CMIP: variants seen among roughly 807,000 people sequenced by gnomAD.
The protein encoded by CMIP is c-Maf inducing protein, also known as C-Maf-inducing protein.
In CMIP, 13 loss-of-function variants were observed where a neutral mutation model predicts 97.3. The ratio of observed to expected loss-of-function variants is 0.13; its 90% CI spans 0.09 to 0.21. CMIP has a LOEUF of 0.21. Ranked by LOEUF, CMIP falls within the 10% of genes least tolerant of loss-of-function variation. The probability of loss-of-function intolerance (pLI) is 1.00; values close to 1 mark genes in which losing one functional copy is unlikely to be tolerated. For missense variants in CMIP, 847 were observed against 1,024.9 expected (o/e 0.83, Z 2.37); for synonymous variants, 538 against 436.3 (o/e 1.23, Z -2.91).
At chr16:81,641,299 C>T (rs553705082) in intron 3 of CMIP, among the ~76,000 whole-genome samples, 1 of 152,312 alleles carries the variant, frequency 6.6e-6, no homozygotes, top group South Asian at 2.1e-4. Context: ...CTGCAACAAA[C>T]ACCGAGAGCA....
intron 1 of CMIP, among the ~76,000 whole-genome samples, chr16:81,495,755 C>A (rs924946627): frequency 6.6e-6 from 1 of 152,190 alleles, no homozygotes; most frequent in African/African-American, 2.4e-5. Flanking sequence ...CCTGGAAGCC[C>A]CTGCCTGCTG....
chr16:81,450,059 G>A (rs1425798280), intron 1 of CMIP, among the ~76,000 whole-genome samples: 2 of 152,208 alleles, frequency 1.3e-5, no homozygotes, highest in Admixed American at 6.5e-5. Context: ...TGGCGGCCCT[G>A]CCTGCTCCTT....
At chr16:81,571,814 C>T (rs142640246) in intron 1 of CMIP, among the ~76,000 whole-genome samples, 17 of 152,278 alleles carry the variant, frequency 1.1e-4, no homozygotes, top group African/African-American at 3.8e-4. Context: ...GCTTCCCTGG[C>T]TGGAAGCCTC....
chr16:81,676,285 C>T (rs1241528779), intron 9 of CMIP, among the ~76,000 whole-genome samples: 2 of 152,016 alleles, frequency 1.3e-5, no homozygotes, highest in African/African-American at 2.4e-5. Flanking sequence ...GCTGCCAACA[C>T]GTTTCGTGGG....
intron 4 of CMIP, among the ~76,000 whole-genome samples, chr16:81,656,636 A>G (rs746166918): frequency 3.9e-5 from 6 of 152,198 alleles, no homozygotes; most frequent in Non-Finnish European, 8.8e-5. Flanking sequence ...AAATGCTCCA[A>G]AGTCCAAAAC....
At chr16:81,609,413 T>A (rs1367909434) in intron 2 of CMIP, among the ~76,000 whole-genome samples, 10 of 152,134 alleles carry the variant, frequency 6.6e-5, no homozygotes, top group Admixed American at 6.5e-4. Context: ...CAGGGTTCAG[T>A]GGCCAACGGA....
Position 81,704,041 on chromosome 16 carries a change from A to G in CMIP, c.2047A>G (p.Ile683Val). Residue 683 changes from isoleucine (I) to valine (V), a missense_variant, in exon 18 of 21, where the codon ATC (isoleucine) becomes GTC (valine). Ile to Val is a conservative substitution (Grantham distance 29). This residue lies in a region of CMIP where 266 missense variants were observed against 384.2 expected (regional missense o/e 0.69). Coordinates refer to ENST00000537098, the MANE Select transcript of CMIP (RefSeq NM_198390.3). ...AACCAGTGCCTGCGCCGAGCACCTC[A>G]TCAAACTGCCTTCGCTCAAGCAGCT... Reference protein sequence around the residue: ...NVTSACAEHLIKLPSLKQLNL... With the variant: ...NVTSACAEHLVKLPSLKQLNL... The G allele has an allele frequency of 6.2e-7, 1 of 1,605,370 alleles. No individual in the cohort carries two copies. Among genetic ancestry groups the G allele is most frequent in the African/African-American group, 1.3e-5 (1 of 74,568 alleles).
intron 3 of CMIP, among the ~76,000 whole-genome samples, chr16:81,638,742 C>T (rs916623407): frequency 1.3e-5 from 2 of 152,154 alleles, no homozygotes; most frequent in Non-Finnish European, 2.9e-5. Context: ...TGCCCCAGTT[C>T]AGCCTCCTGT....
chr16:81,588,879 C>G (rs569545418), intron 1 of CMIP, among the ~76,000 whole-genome samples: 4 of 152,180 alleles, frequency 2.6e-5, no homozygotes, highest in Admixed American at 2.6e-4. Flanking sequence ...ACTCCCATTT[C>G]ACAGATGAGG....
intron 1 of CMIP, among the ~76,000 whole-genome samples, chr16:81,579,751 G>A (rs866415517): frequency 1.3e-5 from 2 of 152,130 alleles, no homozygotes; most frequent in Non-Finnish European, 2.9e-5. Flanking sequence ...TCAGGAGATC[G>A]AGACCATCCT....
At chr16:81,586,998 T>C (rs1423454248) in intron 1 of CMIP, among the ~76,000 whole-genome samples, 1 of 152,214 alleles carries the variant, frequency 6.6e-6, no homozygotes, top group Non-Finnish European at 1.5e-5. Flanking sequence ...CCATGAGCTG[T>C]TTTCCCAATT....
intron 1 of CMIP, among the ~76,000 whole-genome samples, chr16:81,507,312 C>T (rs1597486584): frequency 6.6e-6 from 1 of 152,170 alleles, no homozygotes; most frequent in Non-Finnish European, 1.5e-5. Context: ...TGGGTACCCT[C>T]CCTCTGCAGC....
chr16:81,471,409 T>C (rs1009678465), intron 1 of CMIP, among the ~76,000 whole-genome samples: 4 of 138,882 alleles, frequency 2.9e-5, no homozygotes, highest in Admixed American at 1.6e-4. Flanking sequence ...TACAAATGCA[T>C]ACACACATAC....
intron 3 of CMIP, among the ~76,000 whole-genome samples, chr16:81,643,277 C>G (rs2092327485): frequency 6.6e-6 from 1 of 152,156 alleles, no homozygotes; most frequent in African/African-American, 2.4e-5. Flanking sequence ...ACTGTGGTCA[C>G]AAAAGGACAC....
At chr16:81,685,115 C>G (rs1905247372) in intron 10 of CMIP, among the ~76,000 whole-genome samples, 1 of 152,248 alleles carries the variant, frequency 6.6e-6, no homozygotes, top group Non-Finnish European at 1.5e-5. Context: ...CAACCTCTGT[C>G]CAGCGCCCCC....
intron 9 of CMIP, among the ~76,000 whole-genome samples, chr16:81,675,067 G>A (rs1220756406): frequency 6.6e-6 from 1 of 152,182 alleles, no homozygotes; most frequent in Non-Finnish European, 1.5e-5. Context: ...AGGAGCGTTG[G>A]GGAGGTGATA....
intron 1 of CMIP, among the ~76,000 whole-genome samples, chr16:81,471,009 CACATGTGCGCACAA>C (rs1907496631): frequency 6.6e-6 from 1 of 151,520 alleles, no homozygotes; most frequent in Admixed American, 6.6e-5. Context: ...CACACAGGCA[CACATGTGCGCACAA>C]ACATGTGCAT....
At chr16:81,548,101 C>T (rs1001981775) in intron 1 of CMIP, among the ~76,000 whole-genome samples, 10 of 151,062 alleles carry the variant, frequency 6.6e-5, no homozygotes, top group African/African-American at 2.4e-4. Flanking sequence ...TTTTCAGCCT[C>T]AGCTCTACTG....
At chr16:81,638,061 A>T (rs2092258959) in intron 3 of CMIP, among the ~76,000 whole-genome samples, 1 of 152,018 alleles carries the variant, frequency 6.6e-6, no homozygotes, top group South Asian at 2.1e-4. Flanking sequence ...TCAATAATGA[A>T]TTTTTTGAAG....
Sources: gnomAD v4.1 joint callset for allele counts (sites outside exome capture counted in the v4.1 genomes callset) on GRCh38, gnomAD v4.1.1 for gene constraint, gnomAD v4.1.1 regional missense constraint, MANE v1.5 for transcripts, NCBI Gene and HGNC (gene_info 2026-07-23, HGNC 2026-07-21) for gene names.